The following DOCK3 variants were observed in gnomAD, a reference collection of about 807,000 sequenced individuals.
DOCK3 encodes the protein dedicator of cytokinesis protein 3.
Under a neutral mutation model 265.6 loss-of-function variants are expected in DOCK3, and 60 were observed. The ratio of observed to expected loss-of-function variants is 0.23; its 90% CI spans 0.18 to 0.28. The LOEUF is 0.28. Ranked by LOEUF, DOCK3 falls within the 10% of genes least tolerant of loss-of-function variation. The pLI, the probability that DOCK3 is intolerant of heterozygous loss-of-function variation, is 1.00. For synonymous variants in DOCK3, 881 were observed against 938.0 expected (o/e 0.94, Z 1.11); for missense variants, 1,981 against 2,594.3 (o/e 0.76, Z 5.14).
At chr3:51,159,583 A>G (rs1459127042) in intron 11 of DOCK3, among the ~76,000 whole-genome samples, 1 of 152,116 alleles carries the variant, frequency 6.6e-6, no homozygotes, top group Non-Finnish European at 1.5e-5. Flanking sequence ...AAAATGGTCT[A>G]CTTCTAGACA....
intron 4 of DOCK3, among the ~76,000 whole-genome samples, chr3:50,914,556 G>A (rs759039393): frequency 9.9e-5 from 15 of 152,132 alleles, no homozygotes; most frequent in Admixed American, 1.3e-4. Flanking sequence ...AGAAAAGATA[G>A]TTGATACGAT....
chr3:50,961,053 A>C (rs2076872410), intron 5 of DOCK3, among the ~76,000 whole-genome samples: 1 of 152,208 alleles, frequency 6.6e-6, no homozygotes, highest in Non-Finnish European at 1.5e-5. Flanking sequence ...GTCTTTATAC[A>C]AATACCACAT....
At chr3:51,056,004 A>C (rs958513522) in intron 5 of DOCK3, among the ~76,000 whole-genome samples, 1 of 152,244 alleles carries the variant, frequency 6.6e-6, no homozygotes, top group African/African-American at 2.4e-5. Flanking sequence ...TGTGCCAAGG[A>C]AATACATATT....
intron 27 of DOCK3, among the ~76,000 whole-genome samples, chr3:51,290,565 T>G (rs924717968): frequency 1.3e-5 from 2 of 151,934 alleles, no homozygotes; most frequent in African/African-American, 4.8e-5. Context: ...GGGATAGCAT[T>G]AGGAGATATA....
At chr3:50,761,085 C>G (rs1263979627) in intron 1 of DOCK3, among the ~76,000 whole-genome samples, 1 of 148,862 alleles carries the variant, frequency 6.7e-6, no homozygotes, top group Non-Finnish European at 1.5e-5. Context: ...TGGATGGATT[C>G]TTTATTAAAA....
At chr3:51,094,593 T>C (rs2082757275) in intron 9 of DOCK3, among the ~76,000 whole-genome samples, 1 of 151,942 alleles carries the variant, frequency 6.6e-6, no homozygotes. Flanking sequence ...TCTATTTTGT[T>C]GATCTTTACA....
intron 43 of DOCK3, 128 bp downstream of exon 43, chr3:51,356,621 C>T (rs1468976438): frequency 4.6e-6 from 4 of 869,362 alleles, no homozygotes; most frequent in Admixed American, 2.2e-5. Context: ...TCCCACAGGT[C>T]AACCCTGTGC....
chr3:51,173,753 CTT>C (rs917169129), intron 12 of DOCK3, among the ~76,000 whole-genome samples: 7 of 152,070 alleles, frequency 4.6e-5, no homozygotes, highest in Non-Finnish European at 1.0e-4. Context: ...TTATCTTTGT[CTT>C]TTACTCTTGA....
chr3:50,698,524 T>TTTG (rs1218005954), intron 1 of DOCK3, among the ~76,000 whole-genome samples: 1 of 114,430 alleles, frequency 8.7e-6, no homozygotes, highest in African/African-American at 3.0e-5. Flanking sequence ...TTGGTTTTTT[T>TTTG]TTTTTTTTTT....
intron 4 of DOCK3, among the ~76,000 whole-genome samples, chr3:50,907,318 C>G (rs924615388): frequency 1.3e-5 from 2 of 152,062 alleles, no homozygotes; most frequent in African/African-American, 4.8e-5. Context: ...TGTTAACTTT[C>G]TGTCTCGTTG....
chr3:51,092,773 C>T (rs1394433420), intron 9 of DOCK3, among the ~76,000 whole-genome samples: 1 of 152,202 alleles, frequency 6.6e-6, no homozygotes, highest in Non-Finnish European at 1.5e-5. Context: ...CTCTGGCTGG[C>T]ATCTGGCAGT....
chr3:51,126,084 GT>G (rs1326525368), intron 9 of DOCK3, among the ~76,000 whole-genome samples: 3 of 152,160 alleles, frequency 2.0e-5, no homozygotes, highest in Non-Finnish European at 2.9e-5. Context: ...ATAGTGCTAG[GT>G]TACATATTTA....
At chr3:50,881,560 G>GA (rs1465367359) in intron 3 of DOCK3, among the ~76,000 whole-genome samples, 4 of 152,110 alleles carry the variant, frequency 2.6e-5, no homozygotes, top group South Asian at 4.2e-4. Flanking sequence ...ACTTACAAGG[G>GA]ATGTGAAGGA....
intron 2 of DOCK3, among the ~76,000 whole-genome samples, chr3:50,836,208 G>GC (rs1165726999): frequency 2.0e-5 from 3 of 152,228 alleles, no homozygotes; most frequent in Non-Finnish European, 4.4e-5. Flanking sequence ...ACTAAGCAGT[G>GC]CCCCGGGGGG....
intron 14 of DOCK3, among the ~76,000 whole-genome samples, chr3:51,220,838 GTT>G (rs1401800096): frequency 3.3e-5 from 5 of 151,688 alleles, no homozygotes; most frequent in African/African-American, 1.2e-4. Flanking sequence ...GGCCAAACTT[GTT>G]TGGGCCTTCG....
intron 5 of DOCK3, among the ~76,000 whole-genome samples, chr3:50,992,241 G>A (rs1395037879): frequency 1.3e-5 from 2 of 152,170 alleles, no homozygotes; most frequent in Non-Finnish European, 2.9e-5. Flanking sequence ...ACAAAAATCA[G>A]AACTGAACTG....
chr3:51,117,004 A>G (rs1446654662), intron 9 of DOCK3, among the ~76,000 whole-genome samples: 1 of 152,082 alleles, frequency 6.6e-6, no homozygotes, highest in Non-Finnish European at 1.5e-5. Context: ...ACTATGTTGG[A>G]TGGGAGTGGT....
chr3:51,172,329 C>G (rs998527983), intron 12 of DOCK3, among the ~76,000 whole-genome samples: 1 of 152,116 alleles, frequency 6.6e-6, no homozygotes, highest in African/African-American at 2.4e-5. Context: ...GCATGGGCCA[C>G]CATGCCTGGC....
At chr3:51,223,567 A>G (rs1304260663) in intron 14 of DOCK3, among the ~76,000 whole-genome samples, 2 of 152,100 alleles carry the variant, frequency 1.3e-5, no homozygotes, top group East Asian at 1.9e-4. Context: ...TAATAAAAAA[A>G]ATCTAGACTA....
Sources: gnomAD v4.1 joint callset for allele counts (sites outside exome capture counted in the v4.1 genomes callset) on GRCh38, gnomAD v4.1.1 for gene constraint, MANE v1.5 for transcripts, NCBI Gene and HGNC (gene_info 2026-07-23, HGNC 2026-07-21) for gene names.